Variants in MOB4 observed in about 807,000 individuals in gnomAD.
MOB4 encodes the protein MOB-like protein phocein.
In MOB4, 4 loss-of-function variants were observed where a neutral mutation model predicts 32.2. That is an observed-to-expected ratio of 0.12 (90% CI 0.06 to 0.28). MOB4 has a LOEUF of 0.28. MOB4 is among the 10% of genes least tolerant of loss of function. The pLI, the probability that MOB4 is intolerant of heterozygous loss-of-function variation, is 1.00. For missense variants in MOB4, 158 were observed against 271.2 expected, an observed-to-expected ratio of 0.58 and a Z score of 2.93; for synonymous variants, 88 against 88.1, an observed-to-expected ratio of 1.00 and a Z score of 0.01.
In MOB4 at chr2:197,552,963, T is replaced by C. The variant is rs1310010186; in HGVS notation, c.*2317T>C. 1 of 152,228 alleles carries C rather than the reference T, an allele frequency of 6.6e-6. No homozygotes were observed. The highest frequency in any genetic ancestry group is 1.9e-4 in the East Asian group (1 of 5,198). The allele number at this position is 152,228 out of a possible 1,614,324, so 9.4% of individuals were successfully genotyped here. On this transcript the variant is annotated 3_prime_UTR_variant, in exon 8 of 8. Coordinates refer to ENST00000323303, the MANE Select transcript of MOB4 (RefSeq NM_015387.5). Reference sequence around the variant, plus strand: ...GATCGTATAGTCAATTCATTCTTTTTCTCCTATCACATCTGGGAAAGTAGC... The same window carrying C: ...GATCGTATAGTCAATTCATTCTTTTCCTCCTATCACATCTGGGAAAGTAGC...
intron 2 of MOB4, among the ~76,000 whole-genome samples, chr2:197,524,908 C>T (rs977946282): frequency 6.6e-6 from 1 of 152,074 alleles, no homozygotes; most frequent in Non-Finnish European, 1.5e-5. Flanking sequence ...GTAGCTGGGA[C>T]TATAGGCGCA....
At chr2:197,548,288 T>C in intron 5 of MOB4, 48 bp from the exon 6 acceptor site, 1 of 1,538,206 alleles carries the variant, frequency 6.5e-7, no homozygotes, top group East Asian at 2.3e-5. Context: ...ATATCTAACT[T>C]AAGAGAGAGC....
chr2:197,542,215 A>G (rs1283769583), intron 5 of MOB4, among the ~76,000 whole-genome samples: 1 of 152,210 alleles, frequency 6.6e-6, no homozygotes, highest in Admixed American at 6.5e-5. Context: ...TTAATATTAA[A>G]TGACAGGATA....
At chr2:197,529,068 C>T (rs1414321993) in intron 2 of MOB4, among the ~76,000 whole-genome samples, 2 of 151,554 alleles carry the variant, frequency 1.3e-5, no homozygotes, top group African/African-American at 4.8e-5. Context: ...GCCTCAGCCT[C>T]ATGAGTTCAA....
At chr2:197,516,177 A>T in intron 1 of MOB4, 31 bp downstream of exon 1, 1 of 1,581,468 alleles carries the variant, frequency 6.3e-7, no homozygotes, top group Non-Finnish European at 8.6e-7. Context: ...TTGTCGGGCA[A>T]CTAGGTGCCG....
Position 197,550,865 on chromosome 2 carries a change from T to G in MOB4, c.*219T>G, listed in dbSNP as rs948476986. On this transcript the variant is annotated 3_prime_UTR_variant, in exon 8 of 8. Coordinates refer to ENST00000323303, the MANE Select transcript of MOB4 (RefSeq NM_015387.5). ...TCATGGTTTTTAAATAAGATTAGTA[T>G]TATCTGTTTATAATGCCTGTTAATA... 62 of 323,272 alleles carry G rather than the reference T, an allele frequency of 1.9e-4. No individual in the cohort carries two copies. The highest frequency in any genetic ancestry group is 2.9e-4 in the Non-Finnish European group (55 of 192,816). The allele number at this position is 323,272 out of a possible 1,614,324, so 20.0% of individuals were successfully genotyped here. A position where few individuals can be genotyped will look rare whatever the true frequency, so the allele number is the denominator to read the frequency against.
At chr2:197,546,833 C>CTAA (rs1440857490) in intron 5 of MOB4, among the ~76,000 whole-genome samples, 1 of 152,184 alleles carries the variant, frequency 6.6e-6, no homozygotes, top group Non-Finnish European at 1.5e-5. Context: ...AACTTAATTA[C>CTAA]TAATAGCCTA....
chr2:197,541,579 A>C (rs1430776616), intron 5 of MOB4, among the ~76,000 whole-genome samples: 1 of 152,234 alleles, frequency 6.6e-6, no homozygotes, highest in East Asian at 1.9e-4. Context: ...GACTGGTTTC[A>C]TTCAGGATGT....
At chr2:197,538,740 T>G (rs1205065133) in intron 3 of MOB4, among the ~76,000 whole-genome samples, 1 of 152,228 alleles carries the variant, frequency 6.6e-6, no homozygotes, top group Admixed American at 6.5e-5. Context: ...ATTTTGCTTT[T>G]GGCTATAAAA....
intron 2 of MOB4, among the ~76,000 whole-genome samples, chr2:197,524,909 T>A (rs773808843): frequency 6.6e-6 from 1 of 152,162 alleles, no homozygotes; most frequent in Non-Finnish European, 1.5e-5. Flanking sequence ...TAGCTGGGAC[T>A]ATAGGCGCAC....
intron 2 of MOB4, among the ~76,000 whole-genome samples, chr2:197,525,361 A>G (rs2086593665): frequency 6.6e-6 from 1 of 151,790 alleles, no homozygotes; most frequent in African/African-American, 2.4e-5. Context: ...AAAAAAAAAA[A>G]GTAGACAGCT....
At chr2:197,542,223 A>G (rs1403088289) in intron 5 of MOB4, among the ~76,000 whole-genome samples, 1 of 152,226 alleles carries the variant, frequency 6.6e-6, no homozygotes, top group African/African-American at 2.4e-5. Flanking sequence ...AAATGACAGG[A>G]TAGTCATTAG....
intron 1 of MOB4, among the ~76,000 whole-genome samples, chr2:197,522,280 C>A (rs532586911): frequency 5.0e-4 from 63 of 125,748 alleles, no homozygotes; most frequent in Non-Finnish European, 8.1e-4. Flanking sequence ...AATACTAGGT[C>A]TTATTCATTC....
rs1343197119 is a variant in MOB4, at chr2:197,532,265, A to G, written c.124-3265A>G. Among the ~76,000 whole-genome samples the G allele has an allele frequency of 2.6e-5, 4 of 152,338 alleles. No homozygotes were observed. The East Asian group carries it at 7.7e-4, about 29-fold the overall frequency. On this transcript the variant is annotated intron_variant, in intron 2 of 7. Transcript: ENST00000323303. ...AGGATTTCTTTTTTGCTTTATATAA[A>G]TTGGTATCAATAAAAGGATTCTAGA...
chr2:197,535,670 A>G, intron 3 of MOB4, 40 bp downstream of exon 3: 1 of 1,570,600 alleles, frequency 6.4e-7, no homozygotes, highest in Non-Finnish European at 8.6e-7. Flanking sequence ...ACCTCTCACA[A>G]AACTAGCTTT....
At chr2:197,537,960 A>G (rs2086831066) in intron 3 of MOB4, among the ~76,000 whole-genome samples, 1 of 151,994 alleles carries the variant, frequency 6.6e-6, no homozygotes, top group South Asian at 2.1e-4. Context: ...TTGTATTTTT[A>G]GTAGAGATGG....
intron 5 of MOB4, among the ~76,000 whole-genome samples, chr2:197,542,373 T>C (rs1216230576): frequency 6.6e-6 from 1 of 152,160 alleles, no homozygotes; most frequent in Admixed American, 6.5e-5. Flanking sequence ...ACTGTAAAAA[T>C]ACAAACAAAA....
At chr2:197,546,999 A>G (rs1311522465) in intron 5 of MOB4, among the ~76,000 whole-genome samples, 1 of 152,314 alleles carries the variant, frequency 6.6e-6, no homozygotes, top group Non-Finnish European at 1.5e-5. Context: ...TAAACCCAGC[A>G]CTTTGGGAGG....
chr2:197,516,169 G>A (rs2086407354), intron 1 of MOB4, 23 bp downstream of exon 1: 2 of 1,589,824 alleles, frequency 1.3e-6, no homozygotes, highest in Non-Finnish European at 1.7e-6. Flanking sequence ...CACTTTTCTT[G>A]TCGGGCAACT....
Sources: allele counts gnomAD v4.1 joint callset (sites outside exome capture counted in the v4.1 genomes callset), GRCh38; gene constraint gnomAD v4.1.1; transcripts MANE v1.5; gene names NCBI Gene and HGNC (gene_info 2026-07-23, HGNC 2026-07-21).